Variants in MICAL3 observed in about 807,000 individuals in gnomAD.
MICAL3 encodes microtubule associated monooxygenase, calponin and LIM domain containing 3, also known as [F-actin]-monooxygenase MICAL3.
In MICAL3, 62 loss-of-function variants were observed where a neutral mutation model predicts 207.4. The observed-to-expected ratio is 0.30, with a 90% CI of 0.24 to 0.37. The LOEUF (loss-of-function observed/expected upper bound fraction) is 0.37. Ranked by LOEUF, MICAL3 falls within the 10% of genes least tolerant of loss-of-function variation. The pLI is 1.00. For synonymous variants in MICAL3, 1,077 were observed against 1,069.3 expected (o/e 1.01, Z -0.14); for missense variants, 2,368 against 2,635.6 (o/e 0.90, Z 2.22).
intron 1 of MICAL3, among the ~76,000 whole-genome samples, chr22:17,931,029 G>A (rs1057196316): frequency 6.6e-6 from 1 of 152,160 alleles, no homozygotes; most frequent in Non-Finnish European, 1.5e-5. Context: ...CCGGGTTCCG[G>A]GCATCCCTGT....
intron 1 of MICAL3, among the ~76,000 whole-genome samples, chr22:18,002,644 A>G (rs1173027779): frequency 1.3e-5 from 2 of 151,980 alleles, no homozygotes; most frequent in South Asian, 4.2e-4. Context: ...AAAAAAGAAA[A>G]CGAAAATATA....
intron 1 of MICAL3, among the ~76,000 whole-genome samples, chr22:17,989,587 GCACCCCCACAT>G (rs1921434132): frequency 6.6e-6 from 1 of 151,992 alleles, no homozygotes; most frequent in South Asian, 2.1e-4. Context: ...GCTCACCCCA[GCACCCCCACAT>G]CTCACTTAAG....
chr22:17,856,548 G>A (rs894065015), intron 19 of MICAL3, among the ~76,000 whole-genome samples: 2 of 151,400 alleles, frequency 1.3e-5, no homozygotes, highest in African/African-American at 4.9e-5. Flanking sequence ...TGGCCAAAAG[G>A]AAGGCAGCAG....
rs974718770 is a variant in MICAL3, at chr22:17,979,464, G to T, written c.-75+44817C>A. On this transcript the variant is annotated intron_variant, in intron 1 of 31. Transcript: ENST00000441493. ...GGAGTGTGAGGCAGGAGAATCACTT[G>T]AACCCAGGAGGTGAGGGTTGCAGTG... Among the ~76,000 whole-genome samples the T allele has an allele frequency of 2.5e-4, 38 of 152,296 alleles. No individual in the cohort carries two copies. In the East Asian group the frequency reaches 2.5e-3, roughly 10 times the overall value.
intron 1 of MICAL3, among the ~76,000 whole-genome samples, chr22:17,975,268 G>A (rs1002895649): frequency 6.6e-6 from 1 of 152,070 alleles, no homozygotes; most frequent in Non-Finnish European, 1.5e-5. Flanking sequence ...TACTCAGAAT[G>A]GGAACAGGAC....
At chr22:17,876,857 GGAGGTTAGGGAGGTTAGGGAGGTT>G (rs1928525375) in intron 16 of MICAL3, 1 of 137,256 alleles carries the variant, frequency 7.3e-6, no homozygotes, top group Non-Finnish European at 1.5e-5. Context: ...GGGAGGTTAT[GGAGGTTAGGGAGGTTAGGGAGGTT>G]AGGGAGGTTA....
At chr22:17,809,065 G>A (rs377068776) in intron 28 of MICAL3, 128 bp from the exon 29 acceptor site, 1 of 765,850 alleles carries the variant, frequency 1.3e-6, no homozygotes, top group Non-Finnish European at 2.1e-6. Flanking sequence ...TCTGTGGGCG[G>A]TGCGCTCAGG....
intron 28 of MICAL3, 63 bp from the exon 29 acceptor site, chr22:17,809,000 C>T: frequency 1.5e-6 from 2 of 1,358,612 alleles, no homozygotes; most frequent in African/African-American, 1.4e-5. Context: ...GGACACACAA[C>T]TCCACACCCA....
intron 1 of MICAL3, among the ~76,000 whole-genome samples, chr22:17,930,507 C>T (rs961085250): frequency 9.2e-5 from 14 of 152,288 alleles, no homozygotes; most frequent in Middle Eastern, 3.4e-3. Flanking sequence ...CCAGCCACAC[C>T]GATGAAACTC....
At chr22:17,972,553 C>T (rs1294667864) in intron 1 of MICAL3, among the ~76,000 whole-genome samples, 2 of 152,140 alleles carry the variant, frequency 1.3e-5, no homozygotes, top group Non-Finnish European at 1.5e-5. Flanking sequence ...CAGCCCATCC[C>T]GGGCAGCTCA....
At position 17,843,975 on chromosome 22, in the gene MICAL3, T is replaced by C. The variant is rs185452318; in HGVS notation, c.2606-1958A>G. ...CATTCTCCTGCCTCAGCCTCCCGAG[T>C]AGCTGGGACTACGGGCGCCTGCCAC... On this transcript the variant is annotated intron_variant, in intron 19 of 31. Coordinates refer to ENST00000441493, the MANE Select transcript of MICAL3 (RefSeq NM_015241.3). Among the ~76,000 whole-genome samples the C allele has an allele frequency of 1.9e-4, 29 of 152,172 alleles. No individual in the cohort carries two copies. The East Asian group carries it at 2.9e-3, about 15-fold the overall frequency.
chr22:17,981,637 T>C (rs1024264880), intron 1 of MICAL3, among the ~76,000 whole-genome samples: 4 of 152,138 alleles, frequency 2.6e-5, no homozygotes, highest in African/African-American at 4.8e-5. Context: ...CAACATGACA[T>C]GTGAGCGCAG....
chr22:17,924,880 C>T (rs191087260), intron 1 of MICAL3, among the ~76,000 whole-genome samples: 5 of 152,296 alleles, frequency 3.3e-5, no homozygotes, highest in Admixed American at 1.3e-4. Context: ...TTCCTCAGGG[C>T]AACTCAACCC....
chr22:17,925,429 T>G (rs1048847942), intron 1 of MICAL3, among the ~76,000 whole-genome samples: 2 of 152,236 alleles, frequency 1.3e-5, no homozygotes, highest in African/African-American at 4.8e-5. Flanking sequence ...TGCCAACTTG[T>G]GCAACCATCA....
In MICAL3 at chr22:17,843,120, C is replaced by CAAAAAAA. The variant is rs71966425; in HGVS notation, c.2606-1110_2606-1104dup. 8.3e-4 allele frequency among the ~76,000 whole-genome samples: 52 copies of CAAAAAAA among 62,794 alleles called. 1 individual carries two copies. The highest frequency in any genetic ancestry group is 1.5e-3 in the East Asian group (3 of 1,980). The allele number at this position is 62,794 out of a possible 152,430, so 41.2% of individuals were successfully genotyped here. On this transcript the variant is annotated intron_variant, in intron 19 of 31. Coordinates refer to ENST00000441493, the MANE Select transcript of MICAL3 (RefSeq NM_015241.3). ...TGGGTGACAAAGCGAGACTTCATCT[C>CAAAAAAA]AAAAAAAAAAAAAAAAAAAAAAATC...
At chr22:17,834,497 T>C in intron 20 of MICAL3, 1 of 1,259,110 alleles carries the variant, frequency 7.9e-7, no homozygotes, top group Non-Finnish European at 1.0e-6. Flanking sequence ...GGGTGGATCA[T>C]TTGAGCCCAG....
intron 19 of MICAL3, among the ~76,000 whole-genome samples, chr22:17,849,682 G>GTGTGTGTGTC (rs1925062236): frequency 8.7e-6 from 1 of 114,516 alleles, no homozygotes; most frequent in Non-Finnish European, 1.8e-5. Context: ...GTGTGTGTGT[G>GTGTGTGTGTC]TGTGTATTTT....
At chr22:17,936,934 C>T (rs1933559914) in intron 1 of MICAL3, among the ~76,000 whole-genome samples, 1 of 152,192 alleles carries the variant, frequency 6.6e-6, no homozygotes, top group African/African-American at 2.4e-5. Flanking sequence ...TCTGATGCCA[C>T]CTTCCTCTGC....
chr22:17,958,815 T>A (rs1054195549), intron 1 of MICAL3, among the ~76,000 whole-genome samples: 1 of 151,472 alleles, frequency 6.6e-6, no homozygotes, highest in Admixed American at 6.6e-5. Flanking sequence ...GTGATTCACC[T>A]GCCTCAGCCT....
Sources: allele counts gnomAD v4.1 joint callset (sites outside exome capture counted in the v4.1 genomes callset), GRCh38; gene constraint gnomAD v4.1.1; transcripts MANE v1.5; gene names NCBI Gene and HGNC (gene_info 2026-07-23, HGNC 2026-07-21).